Variants in DENND1B observed in about 807,000 individuals in gnomAD.
The protein encoded by DENND1B is DENN domain-containing protein 1B.
A neutral mutation model predicts 90.1 loss-of-function variants in DENND1B; 59 were observed. The ratio of observed to expected loss-of-function variants is 0.65; its 90% confidence interval spans 0.53 to 0.81. The LOEUF is 0.81. DENND1B is among the 40% of genes least tolerant of loss of function. The pLI is 0.00. For synonymous variants in DENND1B, 337 were observed against 324.6 expected, an observed-to-expected ratio of 1.04 and a Z score of -0.41; for missense variants, 862 against 912.6, an observed-to-expected ratio of 0.94 and a Z score of 0.71.
At chr1:197,516,121 A>G (rs992876235) in intron 20 of DENND1B, among the ~76,000 whole-genome samples, 1 of 151,874 alleles carries the variant, frequency 6.6e-6, no homozygotes, top group Non-Finnish European at 1.5e-5. Flanking sequence ...GTTAAACAGT[A>G]TATCTTATGA....
At chr1:197,750,621 G>T (rs1250068659) in intron 2 of DENND1B, among the ~76,000 whole-genome samples, 1 of 143,874 alleles carries the variant, frequency 7.0e-6, no homozygotes, top group South Asian at 2.2e-4. Context: ...TAAAGATATA[G>T]ACATAGTTTA....
At chr1:197,624,077 TAAAGTTTCTATCGAGAAGCA>T (rs1678423535) in intron 10 of DENND1B, among the ~76,000 whole-genome samples, 1 of 151,566 alleles carries the variant, frequency 6.6e-6, no homozygotes, top group Non-Finnish European at 1.5e-5. Flanking sequence ...AAGGTGATTC[TAAAGTTTCTATCGAGAAGCA>T]AAAGACACAG....
intron 15 of DENND1B, among the ~76,000 whole-genome samples, chr1:197,574,512 C>G (rs191129158): frequency 6.6e-6 from 1 of 152,306 alleles, no homozygotes; most frequent in African/African-American, 2.4e-5. Flanking sequence ...AATGGCCATA[C>G]TGCCCAAGGT....
intron 3 of DENND1B, among the ~76,000 whole-genome samples, chr1:197,681,530 G>A (rs1656691139): frequency 6.6e-6 from 1 of 152,290 alleles, no homozygotes; most frequent in East Asian, 1.9e-4. Context: ...GCACTGGCCA[G>A]TTTGAGAAAC....
At chr1:197,625,346 T>TG (rs1474143221) in intron 10 of DENND1B, among the ~76,000 whole-genome samples, 1 of 151,838 alleles carries the variant, frequency 6.6e-6, no homozygotes, top group African/African-American at 2.4e-5. Flanking sequence ...CAGAAGAGAG[T>TG]GGGGGCCAAT....
Position 197,740,246 on chromosome 1 carries a change from A to ATGT in DENND1B, c.83-25175_83-25173dup, listed in dbSNP as rs550266875. 7.9e-5 allele frequency among the ~76,000 whole-genome samples: 12 copies of ATGT among 152,294 alleles called. No individual in the cohort carries two copies. In the South Asian group the frequency reaches 2.5e-3, roughly 32 times the overall value. On this transcript the variant is annotated intron_variant, in intron 2 of 22. Coordinates refer to ENST00000620048, the MANE Select transcript of DENND1B (RefSeq NM_001195215.2). ...GCAAACCCTTGAAGGAGCATGCTTG[A>ATGT]TGTTGTTCCAGGGATAGCAAGAAGC...
Position 197,751,519 on chromosome 1 carries a change from C to G in DENND1B, c.82+21349G>C, listed in dbSNP as rs564410860. On this transcript the variant is annotated intron_variant, in intron 2 of 22. Coordinates refer to ENST00000620048, the MANE Select transcript of DENND1B (RefSeq NM_001195215.2). ...CACTCTAAACTTCCACATTAAGAAG[C>G]TAGAAAAAATTAAATCCAAAGTAGA... Among the ~76,000 whole-genome samples the G allele has an allele frequency of 1.1e-4, 17 of 152,132 alleles. 1 individual carries two copies. The highest frequency in any genetic ancestry group is 8.8e-5 in the Non-Finnish European group (6 of 67,984).
At chr1:197,749,783 G>A (rs1366653317) in intron 2 of DENND1B, among the ~76,000 whole-genome samples, 4 of 151,998 alleles carry the variant, frequency 2.6e-5, no homozygotes, top group Admixed American at 2.0e-4. Flanking sequence ...AAATAATTAT[G>A]GGGATTCTCT....
chr1:197,560,249 C>G (rs1054152587), intron 15 of DENND1B, among the ~76,000 whole-genome samples: 14 of 151,850 alleles, frequency 9.2e-5, no homozygotes, highest in African/African-American at 3.4e-4. Context: ...GGGAATATTT[C>G]GCTGAATATA....
At chr1:197,781,034 C>G in the DENND1B span, among the ~76,000 whole-genome samples, 15 of 152,142 alleles carry the variant, frequency 9.9e-5, no homozygotes, top group Admixed American at 9.2e-4. Flanking sequence ...ATGCCTTAAA[C>G]AAAAGTGAAG....
intron 7 of DENND1B, among the ~76,000 whole-genome samples, chr1:197,648,948 A>G (rs932944388): frequency 1.3e-5 from 2 of 152,254 alleles, no homozygotes. Context: ...CACCCAGTCT[A>G]CAAATGACTA....
At chr1:197,556,813 TA>T (rs1458031522) in intron 15 of DENND1B, among the ~76,000 whole-genome samples, 3 of 151,972 alleles carry the variant, frequency 2.0e-5, no homozygotes, top group Non-Finnish European at 4.4e-5. Context: ...TGCTAAATAA[TA>T]AAGTCCACTT....
At chr1:197,531,159 T>A (rs563039161) in intron 20 of DENND1B, among the ~76,000 whole-genome samples, 1 of 152,228 alleles carries the variant, frequency 6.6e-6, no homozygotes, top group Admixed American at 6.5e-5. Flanking sequence ...TTTAAATGAA[T>A]CACGTAAATA....
At chr1:197,602,038 T>C (rs1448340974) in intron 13 of DENND1B, among the ~76,000 whole-genome samples, 1 of 151,558 alleles carries the variant, frequency 6.6e-6, no homozygotes, top group Non-Finnish European at 1.5e-5. Flanking sequence ...AGCACAATGA[T>C]TGCCATCACA....
At position 197,567,627 on chromosome 1, in the gene DENND1B, A is replaced by G. The variant is rs77219749; in HGVS notation, c.1150-14515T>C. 1.0e-3 allele frequency among the ~76,000 whole-genome samples: 158 copies of G among 152,254 alleles called. 1 individual carries two copies. The highest frequency in any genetic ancestry group is 3.6e-3 in the African/African-American group (150 of 41,578). On this transcript the variant is annotated intron_variant, in intron 15 of 22. Coordinates refer to ENST00000620048, the MANE Select transcript of DENND1B (RefSeq NM_001195215.2). ...AAACCAAATTCAACAGTGTTTTAAA[A>G]GGATTATCCCTGGAATGCAAGGATG... is the stretch of plus-strand genomic sequence containing the variant.
At chr1:197,573,793 T>C (rs1277234881) in intron 15 of DENND1B, among the ~76,000 whole-genome samples, 1 of 152,148 alleles carries the variant, frequency 6.6e-6, no homozygotes, top group Non-Finnish European at 1.5e-5. Flanking sequence ...AGGGCTGGTT[T>C]AATATACGCA....
chr1:197,634,119 A>C (rs535571900), intron 10 of DENND1B, among the ~76,000 whole-genome samples: 12 of 152,236 alleles, frequency 7.9e-5, no homozygotes, highest in African/African-American at 2.6e-4. Context: ...TCTGGATCTC[A>C]CACCCAGATA....
intron 5 of DENND1B, 39 bp downstream of exon 5, chr1:197,671,998 C>A (rs768800386): frequency 6.3e-7 from 1 of 1,593,922 alleles, no homozygotes; most frequent in Non-Finnish European, 8.5e-7. Context: ...GAGATAGTTA[C>A]CTATTTTGCA....
At chr1:197,670,414 C>T (rs910093856) in intron 5 of DENND1B, among the ~76,000 whole-genome samples, 3 of 124,846 alleles carry the variant, frequency 2.4e-5, no homozygotes, top group African/African-American at 9.4e-5. Flanking sequence ...AATGGGTGCA[C>T]AAAAACAACA....
Sources: allele counts gnomAD v4.1 joint callset (sites outside exome capture counted in the v4.1 genomes callset), GRCh38; gene constraint gnomAD v4.1.1; transcripts MANE v1.5; gene names NCBI Gene and HGNC (gene_info 2026-07-23, HGNC 2026-07-21).